SKAP1: variants seen among roughly 807,000 people sequenced by gnomAD.
SKAP1 encodes the protein src kinase-associated phosphoprotein 1.
SKAP1 carries 44 observed loss-of-function variants against 58.5 expected under a neutral mutation model. That is an observed-to-expected ratio of 0.75 (90% confidence interval 0.59 to 0.97). SKAP1 has a LOEUF of 0.97. Among genes scored for constraint, SKAP1 ranks in the 50% least tolerant of loss-of-function variants. The pLI, the probability that SKAP1 is intolerant of heterozygous loss-of-function variation, is 0.00. For missense variants in SKAP1, 390 were observed against 435.2 expected, an observed-to-expected ratio of 0.90 and a Z score of 0.92; for synonymous variants, 127 against 149.7, an observed-to-expected ratio of 0.85 and a Z score of 1.11.
chr17:48,403,589 A>G (rs932510567), intron 1 of SKAP1, among the ~76,000 whole-genome samples: 9 of 152,250 alleles, frequency 5.9e-5, no homozygotes, highest in Admixed American at 5.2e-4. Context: ...AAGAACAACA[A>G]AATCAAAATG....
chr17:48,298,730 T>C (rs1022652816), intron 4 of SKAP1, among the ~76,000 whole-genome samples: 4 of 152,212 alleles, frequency 2.6e-5, no homozygotes, highest in African/African-American at 7.2e-5. Context: ...GCTTAATCAC[T>C]ATGGGATGAG....
At chr17:48,320,258 T>C (rs1348968051) in intron 4 of SKAP1, among the ~76,000 whole-genome samples, 12 of 152,200 alleles carry the variant, frequency 7.9e-5, no homozygotes, top group African/African-American at 2.9e-4. Context: ...AGTGATCTTA[T>C]TGGTTCTCTG....
upstream of SKAP1, among the ~76,000 whole-genome samples, chr17:48,432,321 C>T (rs904244689): frequency 3.3e-5 from 5 of 151,898 alleles, no homozygotes; most frequent in Non-Finnish European, 7.4e-5. Flanking sequence ...CCCAGCTACT[C>T]GGGTGGCTGA....
chr17:48,218,862 A>G (rs536294509), intron 4 of SKAP1, among the ~76,000 whole-genome samples: 14 of 152,140 alleles, frequency 9.2e-5, no homozygotes, highest in Admixed American at 2.6e-4. Context: ...TAATAATTCA[A>G]TATTTTGGGG....
chr17:48,213,911 G>C (rs980677167), intron 4 of SKAP1, among the ~76,000 whole-genome samples: 1 of 152,166 alleles, frequency 6.6e-6, no homozygotes, highest in Non-Finnish European at 1.5e-5. Context: ...CAGCACTCAA[G>C]GGTGGCCAGA....
Position 48,362,344 on chromosome 17 carries a change from C to G in SKAP1, c.178+1445G>C, listed in dbSNP as rs529536156. On this transcript the variant is annotated intron_variant, in intron 3 of 12. Coordinates refer to ENST00000336915, the MANE Select transcript of SKAP1 (RefSeq NM_003726.4). ...CTCTTCTCAACCTATTCCTATACCA[C>G]ATCTCTGACACTAACTCTTTATTTC... Among the ~76,000 whole-genome samples the G allele has an allele frequency of 3.3e-5, 5 of 152,358 alleles. No homozygotes were observed. In the South Asian group the frequency reaches 1.0e-3, roughly 32 times the overall value.
intron 4 of SKAP1, among the ~76,000 whole-genome samples, chr17:48,320,442 C>T (rs2066346658): frequency 1.3e-5 from 2 of 152,204 alleles, no homozygotes; most frequent in Middle Eastern, 3.4e-3. Flanking sequence ...ACTCATAGTG[C>T]CCAGCACACT....
At chr17:48,302,475 C>A (rs1470587536) in intron 4 of SKAP1, among the ~76,000 whole-genome samples, 1 of 152,158 alleles carries the variant, frequency 6.6e-6, no homozygotes, top group African/African-American at 2.4e-5. Flanking sequence ...TTCCTTCTCC[C>A]CTCCATTTCA....
rs181159730 is a variant in SKAP1 at position 48,258,514 on chromosome 17, T to C, written c.281-69014A>G. On this transcript the variant is annotated intron_variant, in intron 4 of 12. Coordinates refer to ENST00000336915, the MANE Select transcript of SKAP1 (RefSeq NM_003726.4). ...CCACTCCACTCTGTAATGCACTGCA[T>C]GTTAACAAGATTTATATACATTACT... Among the ~76,000 whole-genome samples the C allele has an allele frequency of 6.0e-4, 91 of 152,274 alleles. 1 individual carries two copies. The highest frequency in any genetic ancestry group is 3.6e-3 in the Admixed American group (55 of 15,292).
intron 4 of SKAP1, among the ~76,000 whole-genome samples, chr17:48,213,312 T>G (rs904824839): frequency 7.1e-6 from 1 of 141,612 alleles, no homozygotes; most frequent in Non-Finnish European, 1.5e-5. Flanking sequence ...ATCACACCAT[T>G]GCACTCCAGC....
chr17:48,383,117 A>G (rs1170705473), intron 2 of SKAP1, among the ~76,000 whole-genome samples: 1 of 152,196 alleles, frequency 6.6e-6, no homozygotes, highest in Non-Finnish European at 1.5e-5. Flanking sequence ...TGTTAAGTAA[A>G]TTATCTGCTT....
At chr17:48,374,400 C>T (rs1379293328) in intron 2 of SKAP1, among the ~76,000 whole-genome samples, 1 of 152,156 alleles carries the variant, frequency 6.6e-6, no homozygotes, top group Non-Finnish European at 1.5e-5. Context: ...GTCTGCAATA[C>T]TCAGTGTCCA....
Position 48,291,698 on chromosome 17 carries a change from C to T in SKAP1, c.280+54207G>A, listed in dbSNP as rs183752695. 6.6e-5 allele frequency among the ~76,000 whole-genome samples: 10 copies of T among 152,156 alleles called. No individual in the cohort carries two copies. In the East Asian group the frequency reaches 7.7e-4, roughly 12 times the overall value. On this transcript the variant is annotated intron_variant, in intron 4 of 12. Transcript: ENST00000336915. ...AAATCATATTAATATACAATGATTCCGCTAGTCTTATAGGAGTTGATGTCT... is the reference window on the plus strand; with the variant it reads ...AAATCATATTAATATACAATGATTCTGCTAGTCTTATAGGAGTTGATGTCT...
At position 48,195,481 on chromosome 17, in the gene SKAP1, A is replaced by G. The variant is rs535296306; in HGVS notation, c.281-5981T>C. Among the ~76,000 whole-genome samples the G allele has an allele frequency of 2.4e-4, 37 of 152,354 alleles. 1 individual carries two copies. Among genetic ancestry groups the G allele is most frequent in the African/African-American group, 7.9e-4 (33 of 41,582 alleles). On this transcript the variant is annotated intron_variant, in intron 4 of 12. Coordinates refer to ENST00000336915, the MANE Select transcript of SKAP1 (RefSeq NM_003726.4). ...ATAAAGGAATTTAGCTTAACATATG[A>G]AAGGTGAAAAATTCTAAAACATTAG...
intron 4 of SKAP1, among the ~76,000 whole-genome samples, chr17:48,273,449 G>A (rs2065660134): frequency 6.7e-6 from 1 of 149,640 alleles, no homozygotes; most frequent in African/African-American, 2.5e-5. Context: ...TTGAGATGGA[G>A]CTTGCTCTGT....
At chr17:48,188,853 A>G (rs151335015) in intron 5 of SKAP1, among the ~76,000 whole-genome samples, 1 of 152,276 alleles carries the variant, frequency 6.6e-6, no homozygotes, top group African/African-American at 2.4e-5. Flanking sequence ...ATGAAAAATT[A>G]GCTGGGCATG....
rs186865947 is a variant in SKAP1, at chr17:48,268,581, T to C, written c.280+77324A>G. Among the ~76,000 whole-genome samples the C allele has an allele frequency of 3.4e-4, 52 of 152,240 alleles. No homozygotes were observed. In the South Asian group the frequency reaches 5.2e-3, roughly 15 times the overall value. On this transcript the variant is annotated intron_variant, in intron 4 of 12. Coordinates refer to ENST00000336915, the MANE Select transcript of SKAP1 (RefSeq NM_003726.4). ...ATCTCTGTTCACTGCAACCTCCGCC[T>C]CCTGGGTTCAAGTGATTCGCCTACC...
the SKAP1 span, among the ~76,000 whole-genome samples, chr17:48,442,976 G>C: frequency 6.6e-6 from 1 of 152,122 alleles, no homozygotes; most frequent in South Asian, 2.1e-4. Context: ...CTTGCTGCCT[G>C]CATGGACCCT....
At chr17:48,208,316 C>T (rs1358868329) in intron 4 of SKAP1, among the ~76,000 whole-genome samples, 2 of 152,114 alleles carry the variant, frequency 1.3e-5, no homozygotes, top group African/African-American at 2.4e-5. Flanking sequence ...TCCACCTTGC[C>T]CAAGGGACCT....
Sources: allele counts gnomAD v4.1 joint callset (sites outside exome capture counted in the v4.1 genomes callset), GRCh38; gene constraint gnomAD v4.1.1; transcripts MANE v1.5; gene names NCBI Gene and HGNC (gene_info 2026-07-23, HGNC 2026-07-21).